The following ANKRD42 variants were observed in gnomAD, a reference collection of about 807,000 sequenced individuals.
The protein encoded by ANKRD42 is ankyrin repeat domain 42, also known as ankyrin repeat domain-containing protein 42.
ANKRD42 carries 43 observed loss-of-function variants against 51.5 expected under a neutral mutation model. The observed-to-expected ratio is 0.83, with a 90% confidence interval of 0.65 to 1.08. The LOEUF (loss-of-function observed/expected upper bound fraction) is 1.08. ANKRD42 is among the 50% of genes least tolerant of loss of function. ANKRD42 has a pLI of 0.00. For missense variants in ANKRD42, 608 were observed against 629.3 expected (o/e 0.97, Z 0.36); for synonymous variants, 203 against 213.0 (o/e 0.95, Z 0.41).
At chr11:83,253,053 T>C (rs1440587823), downstream of ANKRD42, among the ~76,000 whole-genome samples, 1 of 152,176 alleles carries the variant, frequency 6.6e-6, no homozygotes, top group African/African-American at 2.4e-5. Flanking sequence ...TATTCCATGG[T>C]TACCTTCCAT....
intron 7 of ANKRD42, among the ~76,000 whole-genome samples, chr11:83,230,902 A>G (rs1218604665): frequency 6.6e-6 from 1 of 152,088 alleles, no homozygotes; most frequent in Non-Finnish European, 1.5e-5. Flanking sequence ...ATTCTTTTTT[A>G]TGGCGGATTA....
At position 83,230,592 on chromosome 11, in the gene ANKRD42, CT is replaced by C. The variant is rs572529276; in HGVS notation, c.913+2732del. Among the ~76,000 whole-genome samples, 148 of 145,858 alleles carry C rather than the reference CT, an allele frequency of 1.0e-3. 1 individual carries two copies. The highest frequency in any genetic ancestry group is 1.5e-3 in the African/African-American group (60 of 40,118). On this transcript the variant is annotated intron_variant, in intron 7 of 10. Coordinates refer to ENST00000533342, the MANE Select transcript of ANKRD42 (RefSeq NM_001300975.2). ...TTGTTGCAAATGACAAGATCTTATT[CT>C]TTTTTTTTTTTGAGACGGAGTCTCA... is the stretch of plus-strand genomic sequence containing the variant.
chr11:83,219,982 G>T (rs1862665499), intron 5 of ANKRD42, among the ~76,000 whole-genome samples: 1 of 152,178 alleles, frequency 6.6e-6, no homozygotes, highest in African/African-American at 2.4e-5. Context: ...TGCCTAGTGG[G>T]AATAACCTTG....
chr11:83,261,926 A>G (rs1423056968), downstream of ANKRD42: 4 of 1,605,944 alleles, frequency 2.5e-6, no homozygotes, highest in Non-Finnish European at 3.4e-6. Flanking sequence ...TCCAGAATCT[A>G]TAAAATCCCA....
rs1311963256 is a variant in ANKRD42 at position 83,255,815 on chromosome 11, G to C, written c.1465-30G>C. 3.3e-6 allele frequency: 5 copies of C among 1,492,712 alleles called. No individual in the cohort carries two copies. In the South Asian group the frequency reaches 3.8e-5, roughly 11 times the overall value. The allele number at this position is 1,492,712 out of a possible 1,614,324, so 92.5% of individuals were successfully genotyped here. On this transcript the variant is annotated intron_variant, in intron 11 of 11. Transcript: ENST00000260047. ...GAAAATGTGTGCTAGCATGAAAATT[G>C]TATTTGACCCTCTTTTCCTTTGCTT...
At chr11:83,198,732 G>T (rs1168069838) in intron 2 of ANKRD42, 90 bp downstream of exon 2, 2 of 1,169,116 alleles carry the variant, frequency 1.7e-6, no homozygotes, top group Non-Finnish European at 2.3e-6. Context: ...CCTTATGGTA[G>T]GTACTGCATA....
At chr11:83,203,916 T>A (rs1420471302) in intron 2 of ANKRD42, among the ~76,000 whole-genome samples, 1 of 152,158 alleles carries the variant, frequency 6.6e-6, no homozygotes, top group African/African-American at 2.4e-5. Context: ...CTCCAGAATT[T>A]CCATCTGGTT....
downstream of ANKRD42, chr11:83,256,103 G>A (rs1283099630): frequency 3.1e-5 from 15 of 484,180 alleles, no homozygotes; most frequent in East Asian, 1.4e-4. Context: ...TAAATGACAC[G>A]GACTCAGTTG....
intron 2 of ANKRD42, among the ~76,000 whole-genome samples, chr11:83,202,654 A>G (rs1226545464): frequency 1.3e-5 from 2 of 152,224 alleles, no homozygotes; most frequent in African/African-American, 4.8e-5. Context: ...CAGGTCAGTC[A>G]GTACCCACTT....
intron 7 of ANKRD42, among the ~76,000 whole-genome samples, chr11:83,231,031 T>C (rs903373026): frequency 8.5e-5 from 13 of 152,226 alleles, no homozygotes; most frequent in Admixed American, 1.3e-4. Flanking sequence ...GGAGTGAAGA[T>C]GTCTCTTTGA....
intron 7 of ANKRD42, 44 bp from the exon 8 acceptor site, chr11:83,236,360 C>CT (rs1203745078): frequency 1.3e-6 from 2 of 1,527,506 alleles, no homozygotes; most frequent in East Asian, 2.3e-5. Context: ...TAATAACTAA[C>CT]TTTTTTGTGT....
chr11:83,195,104 T>C (rs914040740), intron 1 of ANKRD42, among the ~76,000 whole-genome samples: 1 of 152,208 alleles, frequency 6.6e-6, no homozygotes, highest in South Asian at 2.1e-4. Context: ...ACCCTTTCCC[T>C]TACCGTTTTC....
In ANKRD42 at chr11:83,199,140, T is replaced by A. The variant is rs1388895551; in HGVS notation, c.222+498T>A. On this transcript the variant is annotated intron_variant, in intron 2 of 10. Transcript: ENST00000533342. ...GGATTACTTGGAGTGGATAATAAAATGAATATGTATTCTAACATTTTTGCT... is the reference window on the plus strand; with the variant it reads ...GGATTACTTGGAGTGGATAATAAAAAGAATATGTATTCTAACATTTTTGCT... 2.0e-5 allele frequency among the ~76,000 whole-genome samples: 3 copies of A among 152,194 alleles called. No individual in the cohort carries two copies. In the East Asian group the frequency reaches 5.8e-4, roughly 29 times the overall value.
At chr11:83,246,109 C>G (rs1394074225) in intron 10 of ANKRD42, among the ~76,000 whole-genome samples, 1 of 152,140 alleles carries the variant, frequency 6.6e-6, no homozygotes, top group Non-Finnish European at 1.5e-5. Flanking sequence ...ATGGGTACCT[C>G]TCTAATAGCA....
intron 5 of ANKRD42, among the ~76,000 whole-genome samples, chr11:83,221,402 CTG>C (rs1265487146): frequency 6.6e-6 from 1 of 152,074 alleles, no homozygotes; most frequent in Non-Finnish European, 1.5e-5. Context: ...ATTGCTTTGT[CTG>C]TTTGGGTAGG....
chr11:83,244,506 G>A (rs1374085715), intron 9 of ANKRD42, among the ~76,000 whole-genome samples: 1 of 152,102 alleles, frequency 6.6e-6, no homozygotes, highest in Non-Finnish European at 1.5e-5. Context: ...GACATTTTGG[G>A]CCAGATAATT....
intron 10 of ANKRD42, 57 bp from the exon 11 acceptor site, chr11:83,247,886 A>C (rs532998951): frequency 1.4e-6 from 2 of 1,421,284 alleles, no homozygotes; most frequent in East Asian, 4.6e-5. Context: ...TCCACTACTA[A>C]AAGTAATTAT....
At chr11:83,223,781 T>A (rs1862788542) in intron 5 of ANKRD42, among the ~76,000 whole-genome samples, 1 of 152,204 alleles carries the variant, frequency 6.6e-6, no homozygotes, top group South Asian at 2.1e-4. Flanking sequence ...CTGGTACTTC[T>A]TGTTTCACCT....
exon 12 of ANKRD42, chr11:83,256,013 C>G (rs1419127806): frequency 2.9e-6 from 3 of 1,023,742 alleles, no homozygotes; most frequent in Non-Finnish European, 2.8e-6. Flanking sequence ...TCTATACAAA[C>G]TATCTCAGAA....
Sources: allele counts gnomAD v4.1 joint callset (sites outside exome capture counted in the v4.1 genomes callset), GRCh38; gene constraint gnomAD v4.1.1; transcripts MANE v1.5; gene names NCBI Gene and HGNC (gene_info 2026-07-23, HGNC 2026-07-21).